The following GRID2 variants were observed in gnomAD, a reference collection of about 807,000 sequenced individuals.
GRID2 encodes the protein glutamate ionotropic receptor delta type subunit 2, also known as glutamate receptor ionotropic, delta-2.
A neutral mutation model predicts 114.8 loss-of-function variants in GRID2; 33 were observed. The observed-to-expected ratio is 0.29, with a 90% CI of 0.22 to 0.38. The LOEUF is 0.38. Among genes scored for constraint, GRID2 ranks in the 10% least tolerant of loss-of-function variants. The probability of loss-of-function intolerance (pLI) is 1.00; values close to 1 mark genes in which losing one functional copy is unlikely to be tolerated. For missense variants in GRID2, 1,184 were observed against 1,257.7 expected (o/e 0.94, Z 0.89); for synonymous variants, 505 against 449.9 (o/e 1.12, Z -1.55).
At chr4:93,602,346 C>T (rs1251248219) in intron 13 of GRID2, among the ~76,000 whole-genome samples, 1 of 152,144 alleles carries the variant, frequency 6.6e-6, no homozygotes, top group Non-Finnish European at 1.5e-5. Flanking sequence ...GCTTTTGATG[C>T]ATGAGTGTAC....
At chr4:93,778,727 A>G (rs1734421675), downstream of GRID2, among the ~76,000 whole-genome samples, 1 of 152,202 alleles carries the variant, frequency 6.6e-6, no homozygotes, top group Admixed American at 6.5e-5. Flanking sequence ...AGTGCTAGAA[A>G]GAGTAACTGA....
intron 14 of GRID2, among the ~76,000 whole-genome samples, chr4:93,706,130 T>C (rs949698137): frequency 6.6e-6 from 1 of 152,228 alleles, no homozygotes; most frequent in African/African-American, 2.4e-5. Flanking sequence ...TCTAGTTTTG[T>C]TCATTTTGCA....
intron 13 of GRID2, among the ~76,000 whole-genome samples, chr4:93,588,447 T>A (rs1364267556): frequency 6.6e-6 from 1 of 152,172 alleles, no homozygotes; most frequent in Non-Finnish European, 1.5e-5. Context: ...ATGCAAACAG[T>A]CGATCACCAG....
At chr4:92,775,830 G>A (rs925749328) in intron 2 of GRID2, among the ~76,000 whole-genome samples, 2 of 152,032 alleles carry the variant, frequency 1.3e-5, no homozygotes, top group Admixed American at 1.3e-4. Context: ...CCTTCACACT[G>A]TTCATTTCTT....
intron 13 of GRID2, among the ~76,000 whole-genome samples, chr4:93,540,097 A>G (rs1037940755): frequency 8.6e-5 from 13 of 151,356 alleles, no homozygotes; most frequent in African/African-American, 2.9e-4. Context: ...TATTTGTGTG[A>G]TTTTTTCCTT....
intron 12 of GRID2, among the ~76,000 whole-genome samples, chr4:93,495,962 T>C (rs946494808): frequency 1.3e-5 from 2 of 151,760 alleles, no homozygotes; most frequent in African/African-American, 4.8e-5. Context: ...TGGAAATGAC[T>C]CTGTTTAGGC....
chr4:93,737,980 A>C (rs1731065209), intron 14 of GRID2, among the ~76,000 whole-genome samples: 1 of 152,158 alleles, frequency 6.6e-6, no homozygotes, highest in African/African-American at 2.4e-5. Flanking sequence ...CAGTCCTGTT[A>C]AATTCAGGTG....
intron 1 of GRID2, among the ~76,000 whole-genome samples, chr4:93,795,792 G>A (rs1341916598): frequency 6.6e-6 from 1 of 152,160 alleles, no homozygotes; most frequent in Non-Finnish European, 1.5e-5. Context: ...ATCAGCAGTG[G>A]TTCATGTGAA....
At chr4:93,760,928 A>T (rs1733153047) in intron 14 of GRID2, among the ~76,000 whole-genome samples, 1 of 152,174 alleles carries the variant, frequency 6.6e-6, no homozygotes. Flanking sequence ...CCCTCAGAAG[A>T]CAAATACTAC....
rs1488032151 is a variant in GRID2 at position 93,690,941 on chromosome 4, TATAAC to T, written c.2360+64510_2360+64514del. ...ATATAATAGTTTATTTTATATATAT[TATAAC>T]ATACATAATATATATAAATAAGTCT... On this transcript the variant is annotated intron_variant, in intron 14 of 15. Transcript: ENST00000282020. 3.4e-5 allele frequency among the ~76,000 whole-genome samples: 5 copies of T among 148,446 alleles called. No individual in the cohort carries two copies. In the South Asian group the frequency reaches 6.3e-4, roughly 19 times the overall value.
chr4:93,527,784 T>A (rs1731058348), intron 13 of GRID2, among the ~76,000 whole-genome samples: 1 of 152,154 alleles, frequency 6.6e-6, no homozygotes, highest in Admixed American at 6.5e-5. Context: ...ATTTACATTA[T>A]TGTGCAACCA....
At chr4:93,243,437 A>G (rs983377362) in intron 8 of GRID2, among the ~76,000 whole-genome samples, 1 of 152,068 alleles carries the variant, frequency 6.6e-6, no homozygotes, top group African/African-American at 2.4e-5. Context: ...CAGTTTCTCC[A>G]TGTCTCAAAA....
chr4:92,477,446 T>G (rs898192430), intron 1 of GRID2, among the ~76,000 whole-genome samples: 1 of 151,956 alleles, frequency 6.6e-6, no homozygotes, highest in Non-Finnish European at 1.5e-5. Context: ...CTCTAGGTTT[T>G]CCAAACACTG....
At chr4:92,497,568 A>G (rs984369956) in intron 1 of GRID2, among the ~76,000 whole-genome samples, 1 of 151,908 alleles carries the variant, frequency 6.6e-6, no homozygotes, top group African/African-American at 2.4e-5. Flanking sequence ...ATTACTTAGA[A>G]AGGCTTTACA....
At chr4:93,631,925 G>A (rs1284082072) in intron 14 of GRID2, among the ~76,000 whole-genome samples, 3 of 152,168 alleles carry the variant, frequency 2.0e-5, no homozygotes, top group African/African-American at 4.8e-5. Context: ...CTGTGAGATG[G>A]TATCTCGTTG....
chr4:93,255,105 TG>T (rs576042427), intron 8 of GRID2, among the ~76,000 whole-genome samples: 30 of 152,272 alleles, frequency 2.0e-4, no homozygotes, highest in African/African-American at 7.2e-4. Flanking sequence ...TCGTGTTAGC[TG>T]TATCTACTTT....
intron 1 of GRID2, among the ~76,000 whole-genome samples, chr4:92,345,579 C>T (rs1053361495): frequency 2.6e-5 from 4 of 152,166 alleles, no homozygotes; most frequent in African/African-American, 4.8e-5. Flanking sequence ...AAAGTGTAGA[C>T]ACCACCTTTA....
intron 6 of GRID2, among the ~76,000 whole-genome samples, chr4:93,217,693 A>T (rs1744397172): frequency 6.6e-6 from 1 of 152,068 alleles, no homozygotes. Flanking sequence ...AATCAATCAG[A>T]TAAACTAACT....
chr4:93,064,700 T>C (rs912758065), intron 2 of GRID2, among the ~76,000 whole-genome samples: 1 of 151,940 alleles, frequency 6.6e-6, no homozygotes. Context: ...TTATTGTGTT[T>C]CACATCTAAA....
Sources: allele counts gnomAD v4.1 joint callset (sites outside exome capture counted in the v4.1 genomes callset), GRCh38; gene constraint gnomAD v4.1.1; transcripts MANE v1.5; gene names NCBI Gene and HGNC (gene_info 2026-07-23, HGNC 2026-07-21).